KIAA1217: variants seen among roughly 807,000 people sequenced by gnomAD.
KIAA1217 encodes the protein KIAA1217, also known as sickle tail protein homolog.
A neutral mutation model predicts 163.9 loss-of-function variants in KIAA1217; 88 were observed. The observed-to-expected ratio is 0.54, with a 90% CI of 0.45 to 0.64. The LOEUF (loss-of-function observed/expected upper bound fraction) is 0.64, where lower values mean the gene tolerates loss of function less well. Among genes scored for constraint, KIAA1217 ranks in the 30% least tolerant of loss-of-function variants. KIAA1217 has a pLI of 0.00. For synonymous variants in KIAA1217, 903 were observed against 923.1 expected (o/e 0.98, Z 0.39); for missense variants, 2,372 against 2,475.0 (o/e 0.96, Z 0.88).
intron 2 of KIAA1217, among the ~76,000 whole-genome samples, chr10:24,151,860 A>C (rs1278523266): frequency 2.0e-5 from 3 of 152,134 alleles, no homozygotes; most frequent in African/African-American, 7.2e-5. Flanking sequence ...GGTTTACCCA[A>C]GATCACACAG....
At position 24,143,007 on chromosome 10, in the gene KIAA1217, A is replaced by G. The variant is rs531927339; in HGVS notation, c.-170-76619A>G. 4.7e-4 allele frequency among the ~76,000 whole-genome samples: 71 copies of G among 152,372 alleles called. 1 individual carries two copies. Among genetic ancestry groups the G allele is most frequent in the African/African-American group, 1.7e-3 (71 of 41,594 alleles). ...ATACCCTTAAAAAGCAGAAGGGCGG[A>G]GAGGACAAATAGCAGTGAGCAATTT... On this transcript the variant is annotated intron_variant, in intron 2 of 18. Coordinates refer to the KIAA1217 transcript ENST00000376462.
intron 1 of KIAA1217, among the ~76,000 whole-genome samples, chr10:23,949,419 G>C (rs1406705006): frequency 6.6e-6 from 1 of 151,916 alleles, no homozygotes; most frequent in African/African-American, 2.4e-5. Flanking sequence ...TTAGTTTGTA[G>C]AAATACACAC....
chr10:23,858,553 T>G (rs1002055741), intron 1 of KIAA1217, among the ~76,000 whole-genome samples: 1 of 152,130 alleles, frequency 6.6e-6, no homozygotes, highest in Admixed American at 6.6e-5. Flanking sequence ...GTATCATTGC[T>G]TGAATTCTTG....
intron 1 of KIAA1217, among the ~76,000 whole-genome samples, chr10:23,699,642 A>G (rs1036425509): frequency 2.0e-5 from 3 of 151,802 alleles, no homozygotes; most frequent in African/African-American, 7.3e-5. Flanking sequence ...CCTTTTTTTT[A>G]GAGACTGGGT....
intron 2 of KIAA1217, among the ~76,000 whole-genome samples, chr10:24,109,557 G>A (rs566684628): frequency 1.3e-5 from 2 of 152,206 alleles, no homozygotes; most frequent in Admixed American, 6.5e-5. Flanking sequence ...GGAGGGTGGG[G>A]TAGGAAGTAA....
chr10:23,978,475 G>T (rs1845631994), intron 1 of KIAA1217, among the ~76,000 whole-genome samples: 1 of 152,078 alleles, frequency 6.6e-6, no homozygotes, highest in South Asian at 2.1e-4. Flanking sequence ...AATTAGAGTG[G>T]AATTCCTCAA....
chr10:23,737,384 G>A (rs913928643), intron 1 of KIAA1217, among the ~76,000 whole-genome samples: 2 of 145,070 alleles, frequency 1.4e-5, no homozygotes, highest in Non-Finnish European at 3.0e-5. Context: ...TAGTAGAGAC[G>A]GGGTTTCACC....
chr10:23,868,975 G>T (rs1840322631), intron 1 of KIAA1217, among the ~76,000 whole-genome samples: 1 of 152,012 alleles, frequency 6.6e-6, no homozygotes, highest in Non-Finnish European at 1.5e-5. Flanking sequence ...AGGCAGTCTT[G>T]TCATTGGAAT....
At position 24,373,042 on chromosome 10, in the gene KIAA1217, G is replaced by T. The variant is rs982563204; in HGVS notation, c.355-7827G>T. On this transcript the variant is annotated intron_variant, in intron 2 of 20. Transcript: ENST00000376454. Reference sequence around the variant, plus strand: ...GTCATAAGGAAATCTTGAGGAGCTTGTCCAATCCAATAAAACCAGGCCAGG... The same window carrying T: ...GTCATAAGGAAATCTTGAGGAGCTTTTCCAATCCAATAAAACCAGGCCAGG... Among the ~76,000 whole-genome samples the T allele has an allele frequency of 1.6e-4, 24 of 152,292 alleles. 1 individual carries two copies. The highest frequency in any genetic ancestry group is 1.3e-3 in the Admixed American group (20 of 15,304).
intron 5 of KIAA1217, chr10:24,466,702 G>A (rs1235597786): frequency 2.0e-6 from 2 of 985,332 alleles, no homozygotes; most frequent in Non-Finnish European, 2.4e-6. Flanking sequence ...TTTAGATGAA[G>A]CCAGCAAACA....
At position 24,489,820 on chromosome 10, in the gene KIAA1217, T is replaced by C. The variant is rs539813663; in HGVS notation, c.1680-4680T>C. 5.7e-3 allele frequency among the ~76,000 whole-genome samples: 698 copies of C among 123,368 alleles called. 3 individuals are homozygous for C. Among genetic ancestry groups the C allele is most frequent in the Non-Finnish European group, 8.7e-3 (557 of 64,088 alleles). The allele number at this position is 123,368 out of a possible 152,430, so 80.9% of individuals were successfully genotyped here. A position where few individuals can be genotyped will look rare whatever the true frequency, so the allele number is the denominator to read the frequency against. On this transcript the variant is annotated intron_variant, in intron 6 of 20. Transcript: ENST00000376454. Reference sequence around the variant, plus strand: ...TTGAGGCTGCAGTGAGCTATGATCATGCCACTGTATTCCAGCCTGGGAACA... The same window carrying C: ...TTGAGGCTGCAGTGAGCTATGATCACGCCACTGTATTCCAGCCTGGGAACA...
chr10:24,263,808 T>C (rs1049233307), intron 2 of KIAA1217, among the ~76,000 whole-genome samples: 2 of 152,128 alleles, frequency 1.3e-5, no homozygotes, highest in African/African-American at 4.8e-5. Context: ...GGGAGGAGTA[T>C]TTAAGTTTTG....
chr10:24,079,955 G>T (rs751354263), intron 2 of KIAA1217, among the ~76,000 whole-genome samples: 158 of 152,274 alleles, frequency 1.0e-3, no homozygotes, highest in Non-Finnish European at 1.6e-3. Flanking sequence ...AGAGAAGGAT[G>T]GCTTACAGGG....
intron 1 of KIAA1217, among the ~76,000 whole-genome samples, chr10:23,812,688 G>A (rs563249719): frequency 4.6e-5 from 7 of 152,086 alleles, no homozygotes; most frequent in Admixed American, 4.6e-4. Context: ...ACCCAACACT[G>A]CCTCCCATCA....
chr10:24,125,322 CTGTG>C (rs58143239), intron 2 of KIAA1217, among the ~76,000 whole-genome samples: 1,717 of 143,778 alleles, frequency 0.012, 11 homozygotes, highest in Admixed American at 0.013. Flanking sequence ...ATCCTATGCT[CTGTG>C]TGTGTGTGTG....
At chr10:24,241,964 A>G (rs1387434869) in intron 2 of KIAA1217, among the ~76,000 whole-genome samples, 1 of 152,142 alleles carries the variant, frequency 6.6e-6, no homozygotes, top group Non-Finnish European at 1.5e-5. Context: ...TGAGCTGCTG[A>G]GCCTGAACTC....
At chr10:24,232,398 G>T (rs1460195805) in intron 2 of KIAA1217, among the ~76,000 whole-genome samples, 2 of 152,112 alleles carry the variant, frequency 1.3e-5, no homozygotes, top group African/African-American at 4.8e-5. Context: ...AAGAGCAAGA[G>T]AACATATCTT....
intron 1 of KIAA1217, among the ~76,000 whole-genome samples, chr10:24,210,443 G>A (rs1254592063): frequency 1.3e-5 from 2 of 151,594 alleles, no homozygotes; most frequent in Admixed American, 6.6e-5. Flanking sequence ...TGGAAGATAA[G>A]GCTACCTCGT....
chr10:23,940,461 AAAAAAAAAAAAAAAAAAAAAAAAG>A (rs1406793826), intron 1 of KIAA1217, among the ~76,000 whole-genome samples: 1 of 98,626 alleles, frequency 1.0e-5, no homozygotes, highest in African/African-American at 7.8e-5. Context: ...ACTCCGTCTC[AAAAAAAAAAAAAAAAAAAAAAAAG>A]AAAAAAGAAA....
Sources: gnomAD v4.1 joint callset for allele counts (sites outside exome capture counted in the v4.1 genomes callset) on GRCh38, gnomAD v4.1.1 for gene constraint, MANE v1.5 for transcripts, NCBI Gene and HGNC (gene_info 2026-07-23, HGNC 2026-07-21) for gene names.